CHCHD3: variants seen among roughly 807,000 people sequenced by gnomAD.
The protein encoded by CHCHD3 is MICOS complex subunit MIC19.
A neutral mutation model predicts 38.2 loss-of-function variants in CHCHD3; 20 were observed. That is an observed-to-expected ratio of 0.52 (90% CI 0.37 to 0.76). The LOEUF is 0.76. Ranked by LOEUF, CHCHD3 falls within the 30% of genes least tolerant of loss-of-function variation. CHCHD3 has a pLI of 0.00. For missense variants in CHCHD3, 245 were observed against 279.2 expected, an observed-to-expected ratio of 0.88 and a Z score of 0.87; for synonymous variants, 82 against 100.0, an observed-to-expected ratio of 0.82 and a Z score of 1.07.
chr7:132,907,146 T>C (rs1355851583), intron 4 of CHCHD3, among the ~76,000 whole-genome samples: 1 of 152,216 alleles, frequency 6.6e-6, no homozygotes, highest in Admixed American at 6.5e-5. Context: ...TGAAAACCTG[T>C]GTTGTACAAG....
intron 3 of CHCHD3, among the ~76,000 whole-genome samples, chr7:133,002,208 T>C (rs570109798): frequency 6.6e-6 from 1 of 152,352 alleles, no homozygotes; most frequent in South Asian, 2.1e-4. Flanking sequence ...AAGCATTTTG[T>C]ATCAAAAGTT....
intron 6 of CHCHD3, among the ~76,000 whole-genome samples, chr7:132,800,862 A>G (rs1364941251): frequency 6.7e-6 from 1 of 149,820 alleles, no homozygotes; most frequent in African/African-American, 2.4e-5. Flanking sequence ...GGAGAATTCT[A>G]TTTTTTTTTT....
chr7:132,990,583 G>GAGGACC (rs1273804958), intron 3 of CHCHD3, among the ~76,000 whole-genome samples: 1 of 152,170 alleles, frequency 6.6e-6, no homozygotes, highest in African/African-American at 2.4e-5. Context: ...GTCTCATAAA[G>GAGGACC]AGGACCGTAA....
intron 2 of CHCHD3, among the ~76,000 whole-genome samples, chr7:133,029,042 T>C (rs1456682560): frequency 6.6e-6 from 1 of 152,178 alleles, no homozygotes. Context: ...AACCTTGGAC[T>C]TCAAAGCCTC....
At chr7:132,864,620 T>C (rs1808572269) in intron 5 of CHCHD3, among the ~76,000 whole-genome samples, 1 of 152,152 alleles carries the variant, frequency 6.6e-6, no homozygotes, top group Non-Finnish European at 1.5e-5. Context: ...ATGAAGTATG[T>C]CTGTACTGTG....
chr7:133,000,154 G>A (rs185638772), intron 3 of CHCHD3, among the ~76,000 whole-genome samples: 237 of 152,174 alleles, frequency 1.6e-3, no homozygotes, highest in Middle Eastern at 0.01. Context: ...AATACTCTTC[G>A]TTCAATATGA....
intron 3 of CHCHD3, among the ~76,000 whole-genome samples, chr7:133,012,798 AGG>A: frequency 1.3e-5 from 1 of 79,562 alleles, no homozygotes; most frequent in Non-Finnish European, 2.3e-5. Flanking sequence ...AGGGGAGGGG[AGG>A]GGAGGGGAAG....
At chr7:132,817,231 A>G (rs1807223650) in intron 6 of CHCHD3, among the ~76,000 whole-genome samples, 1 of 150,914 alleles carries the variant, frequency 6.6e-6, no homozygotes, top group African/African-American at 2.4e-5. Flanking sequence ...GGCATTACCC[A>G]TAATGTATTT....
intron 6 of CHCHD3, among the ~76,000 whole-genome samples, chr7:132,812,209 T>C (rs1259141534): frequency 3.5e-4 from 47 of 135,890 alleles, no homozygotes; most frequent in African/African-American, 4.4e-4. Context: ...TCTTTTTTTT[T>C]TTTTTTTTTT....
In CHCHD3 at chr7:132,908,662, G is replaced by A. The variant is rs147078346; in HGVS notation, c.370-22917C>T. Among the ~76,000 whole-genome samples, 868 of 152,186 alleles carry A rather than the reference G, an allele frequency of 5.7e-3. 6 individuals carry two copies. The highest frequency in any genetic ancestry group is 0.02 in the African/African-American group (830 of 41,516). Reference sequence around the variant, plus strand: ...CAAGCATAAGCCCTTGTAAGTACTGGGTCCAGGCCAGGCAGGCTCATTTAG... The same window carrying A: ...CAAGCATAAGCCCTTGTAAGTACTGAGTCCAGGCCAGGCAGGCTCATTTAG... On this transcript the variant is annotated intron_variant, in intron 4 of 7. Coordinates refer to ENST00000262570, the MANE Select transcript of CHCHD3 (RefSeq NM_017812.4).
chr7:132,791,345 G>T (rs1806455764), intron 7 of CHCHD3, among the ~76,000 whole-genome samples: 1 of 152,136 alleles, frequency 6.6e-6, no homozygotes, highest in African/African-American at 2.4e-5. Context: ...GTTTGGTCTG[G>T]GTTCTGCCCT....
At chr7:132,984,588 G>A (rs1812031649) in intron 3 of CHCHD3, among the ~76,000 whole-genome samples, 1 of 149,244 alleles carries the variant, frequency 6.7e-6, no homozygotes, top group African/African-American at 2.5e-5. Context: ...GAGCGTCTCT[G>A]CCCGGCCGCC....
intron 1 of CHCHD3, among the ~76,000 whole-genome samples, chr7:133,075,893 A>G (rs758391245): frequency 3.9e-5 from 6 of 151,948 alleles, no homozygotes; most frequent in African/African-American, 4.8e-5. Flanking sequence ...CCCCATCTCT[A>G]CTAAAAATAT....
intron 3 of CHCHD3, among the ~76,000 whole-genome samples, chr7:132,985,488 G>A (rs1200296442): frequency 8.2e-5 from 5 of 61,142 alleles, no homozygotes; most frequent in South Asian, 5.6e-4. Context: ...CAGCCGCCCC[G>A]TCCAGGAGGG....
chr7:132,982,482 A>G (rs1811944648), intron 3 of CHCHD3, among the ~76,000 whole-genome samples: 1 of 152,072 alleles, frequency 6.6e-6, no homozygotes. Flanking sequence ...ACAAGGTTTC[A>G]CCATGTTGGC....
chr7:132,923,263 A>C (rs1173613552), intron 4 of CHCHD3, among the ~76,000 whole-genome samples: 1 of 152,152 alleles, frequency 6.6e-6, no homozygotes, highest in Non-Finnish European at 1.5e-5. Context: ...TCCTTTTCCG[A>C]AAGTTGGGTT....
At chr7:132,823,968 C>A (rs1807444256) in intron 6 of CHCHD3, among the ~76,000 whole-genome samples, 1 of 152,212 alleles carries the variant, frequency 6.6e-6, no homozygotes, top group Non-Finnish European at 1.5e-5. Context: ...TGAACCCAAT[C>A]TTTCCTCAAC....
In CHCHD3 at chr7:132,813,912, C is replaced by A. The variant is rs945204711; in HGVS notation, c.525-17335G>T. On this transcript the variant is annotated intron_variant, in intron 6 of 7. Transcript: ENST00000262570. ...TAAACCTACATATCTTTTCTTTCCC[C>A]AAGTACGTGCTCACGGGGAGCAACA... 3.3e-5 allele frequency among the ~76,000 whole-genome samples: 5 copies of A among 152,148 alleles called. No individual in the cohort carries two copies. The South Asian group carries it at 8.3e-4, about 25-fold the overall frequency.
intron 3 of CHCHD3, among the ~76,000 whole-genome samples, chr7:132,999,936 T>C (rs1425432741): frequency 2.0e-5 from 3 of 152,210 alleles, no homozygotes; most frequent in Non-Finnish European, 2.9e-5. Context: ...CAAAGCATTA[T>C]GTTTAAAAAA....
Sources: gnomAD v4.1 joint callset for allele counts (sites outside exome capture counted in the v4.1 genomes callset) on GRCh38, gnomAD v4.1.1 for gene constraint, MANE v1.5 for transcripts, NCBI Gene and HGNC (gene_info 2026-07-23, HGNC 2026-07-21) for gene names.